Variants in ANKRD33B observed in about 807,000 individuals in gnomAD.
The protein encoded by ANKRD33B is ankyrin repeat domain 33B, also known as ankyrin repeat domain-containing protein 33B.
A neutral mutation model predicts 21.5 loss-of-function variants in ANKRD33B; 6 were observed. The observed-to-expected ratio is 0.28, with a 90% CI of 0.15 to 0.55. The LOEUF (loss-of-function observed/expected upper bound fraction) is 0.55, where lower values mean the gene tolerates loss of function less well. Ranked by LOEUF, ANKRD33B falls within the 20% of genes least tolerant of loss-of-function variation. The pLI is 0.94. For missense variants in ANKRD33B, 698 were observed against 747.2 expected (o/e 0.93, Z 0.77); for synonymous variants, 347 against 342.4 (o/e 1.01, Z -0.15).
chr5:10,631,127 G>A (rs980083366), intron 2 of ANKRD33B, among the ~76,000 whole-genome samples: 1 of 152,220 alleles, frequency 6.6e-6, no homozygotes, highest in African/African-American at 2.4e-5. Context: ...AGGGGTTCTG[G>A]TTTCAAAGAT....
Position 10,648,605 on chromosome 5 carries a change from C to G in ANKRD33B, c.638-661C>G, listed in dbSNP as rs544981501. On this transcript the variant is annotated intron_variant, in intron 3 of 3. Coordinates refer to ENST00000296657, the MANE Select transcript of ANKRD33B (RefSeq NM_001164440.2). ...AGAAACCCCCTCTCTACTAAAAATA[C>G]AAAATTAGCCTGGCGTGGTAGCACA... Among the ~76,000 whole-genome samples the G allele has an allele frequency of 2.0e-5, 3 of 152,098 alleles. No homozygotes were observed. In the East Asian group the frequency reaches 5.8e-4, roughly 29 times the overall value.
intron 1 of ANKRD33B, among the ~76,000 whole-genome samples, chr5:10,601,096 A>G (rs865923868): frequency 2.6e-5 from 4 of 152,284 alleles, no homozygotes; most frequent in African/African-American, 9.6e-5. Context: ...ACCTTAAATC[A>G]CAAATGAGTT....
Position 10,619,455 on chromosome 5 carries a change from C to T in ANKRD33B, c.496+993C>T. 1 of 916,476 alleles carries T rather than the reference C, an allele frequency of 1.1e-6. No individual in the cohort carries two copies. The allele number at this position is 916,476 out of a possible 1,614,324, so 56.8% of individuals were successfully genotyped here. Reference sequence around the variant, plus strand: ...TCCTTGTCCCTTGTTGCTTCACAAGCTCCTGGACCAAAGCCACCCTGGGTG... The same window carrying T: ...TCCTTGTCCCTTGTTGCTTCACAAGTTCCTGGACCAAAGCCACCCTGGGTG... On this transcript the variant is annotated intron_variant, in intron 2 of 3. Transcript: ENST00000296657. This position sits in a 1 kb window ranked among gnomAD's most constrained non-coding sequence, Gnocchi z 4.5.
chr5:10,585,531 G>A (rs55672514), intron 1 of ANKRD33B, among the ~76,000 whole-genome samples: 53,753 of 152,108 alleles, frequency 0.35, 11,200 homozygotes, highest in East Asian at 0.61. Context: ...TTGTTCTAGG[G>A]AAAAGAAACG....
intron 1 of ANKRD33B, among the ~76,000 whole-genome samples, chr5:10,566,799 G>A (rs1011186833): frequency 6.6e-5 from 10 of 152,244 alleles, no homozygotes; most frequent in East Asian, 3.9e-4. Flanking sequence ...CAGTTTCCTC[G>A]TCTGTAAAAT....
chr5:10,616,666 A>C (rs1171425332), intron 1 of ANKRD33B, among the ~76,000 whole-genome samples: 1 of 151,810 alleles, frequency 6.6e-6, no homozygotes, highest in Non-Finnish European at 1.5e-5. Flanking sequence ...TGTGACTGGC[A>C]GTGCCAAGAG....
intron 1 of ANKRD33B, among the ~76,000 whole-genome samples, chr5:10,598,487 G>A (rs1268225567): frequency 1.3e-5 from 2 of 152,126 alleles, no homozygotes; most frequent in African/African-American, 4.8e-5. Context: ...GCCTGGTCTC[G>A]AACACCTGAC....
chr5:10,619,193 C>T lies in ANKRD33B; in HGVS notation c.496+731C>T, dbSNP rs1207800790. ...CACTGACCCCTTTCACATTTCTTTG[C>T]CTCCAAAGATTCTGTCTGTTTCATC... is the stretch of plus-strand genomic sequence containing the variant. On this transcript the variant is annotated intron_variant, in intron 2 of 3. Coordinates refer to ENST00000296657, the MANE Select transcript of ANKRD33B (RefSeq NM_001164440.2). The surrounding 1 kb of genome is among the most constrained non-coding windows in gnomAD (Gnocchi z 4.5). The T allele has an allele frequency of 1.9e-5, 10 of 523,398 alleles. No individual in the cohort carries two copies. The highest frequency in any genetic ancestry group is 2.5e-5 in the Non-Finnish European group (10 of 408,056). 32.4% of individuals were successfully genotyped at this position (523,398 alleles called of 1,614,324 possible).
chr5:10,637,830 C>T (rs1376199139), intron 2 of ANKRD33B, among the ~76,000 whole-genome samples, 198 bp from the exon 3 acceptor site: 3 of 152,120 alleles, frequency 2.0e-5, no homozygotes, highest in Non-Finnish European at 2.9e-5. Context: ...AGCGCTGCAG[C>T]CAGGGCGGTG....
chr5:10,571,329 G>A (rs1348019633), intron 1 of ANKRD33B, among the ~76,000 whole-genome samples: 1 of 152,208 alleles, frequency 6.6e-6, no homozygotes, highest in Non-Finnish European at 1.5e-5. Flanking sequence ...AGCCTCCTGA[G>A]TAGCTGGGAC....
In ANKRD33B at chr5:10,570,903, CTT is replaced by C. The variant is rs11301499; in HGVS notation, c.366+6087_366+6088del. Among the ~76,000 whole-genome samples the C allele has an allele frequency of 1.4e-3, 183 of 126,782 alleles. 1 individual carries two copies. The highest frequency in any genetic ancestry group is 1.6e-3 in the Non-Finnish European group (94 of 60,250). 83.2% of individuals were successfully genotyped at this position (126,782 alleles called of 152,430 possible). ...TCTTTAACAACATGACTCAAATAAC[CTT>C]TTTTTTTTTTTTTTTTGTCAATTAG... On this transcript the variant is annotated intron_variant, in intron 1 of 3. Transcript: ENST00000296657.
rs925148478 is a variant in ANKRD33B at position 10,603,270 on chromosome 5, T to A, written c.367-15063T>A. Among the ~76,000 whole-genome samples, 4 of 150,910 alleles carry A rather than the reference T, an allele frequency of 2.7e-5. No homozygotes were observed. In the East Asian group the frequency reaches 5.8e-4, roughly 22 times the overall value. The stretch of plus-strand genomic sequence containing the variant: ...GAATTTTTTCATCCTTAAAAAAAAT[T>A]TTTTTTTTTTGAGACAGGGTCTCAT... On this transcript the variant is annotated intron_variant, in intron 1 of 3. Coordinates refer to ENST00000296657, the MANE Select transcript of ANKRD33B (RefSeq NM_001164440.2).
chr5:10,640,818 T>C (rs928303992), intron 3 of ANKRD33B, among the ~76,000 whole-genome samples: 1 of 152,238 alleles, frequency 6.6e-6, no homozygotes, highest in Non-Finnish European at 1.5e-5. Flanking sequence ...TTGGGGAGGC[T>C]GAGAAGTCCA....
rs1178197071 is a variant in ANKRD33B, at chr5:10,619,566, AC to A, written c.496+1105del. Among the ~76,000 whole-genome samples, 1 of 152,144 alleles carries A rather than the reference AC, an allele frequency of 6.6e-6. No homozygotes were observed. The highest frequency in any genetic ancestry group is 2.4e-5 in the African/African-American group (1 of 41,426). On this transcript the variant is annotated intron_variant, in intron 2 of 3. Transcript: ENST00000296657. The surrounding 1 kb of genome is among the most constrained non-coding windows in gnomAD (Gnocchi z 4.5). ...GTGGTGGGAGTGGTCTGGGCACCCT[AC>A]TTTTCAATCAAGACGAATAGAGTGG...
At chr5:10,587,266 A>G (rs745397244) in intron 1 of ANKRD33B, among the ~76,000 whole-genome samples, 5 of 148,010 alleles carry the variant, frequency 3.4e-5, no homozygotes, top group Non-Finnish European at 7.4e-5. Context: ...CTGCCTGGCT[A>G]ATTTTTGTAT....
intron 1 of ANKRD33B, among the ~76,000 whole-genome samples, chr5:10,613,990 CGTGTGTGTGTGT>C (rs59864065): frequency 7.1e-6 from 1 of 141,290 alleles, no homozygotes; most frequent in Non-Finnish European, 1.5e-5. Flanking sequence ...CCAGAGAAAT[CGTGTGTGTGTGT>C]GTGTGTGTGT....
intron 1 of ANKRD33B, among the ~76,000 whole-genome samples, chr5:10,604,135 A>T (rs896638164): frequency 7.3e-6 from 1 of 136,558 alleles, no homozygotes; most frequent in Non-Finnish European, 1.5e-5. Flanking sequence ...CTTGTGATCC[A>T]CCCGCCTTGG....
intron 1 of ANKRD33B, among the ~76,000 whole-genome samples, chr5:10,579,102 T>C (rs1010355661): frequency 1.3e-5 from 2 of 149,050 alleles, no homozygotes; most frequent in Non-Finnish European, 3.0e-5. Flanking sequence ...AAGTCAAGGC[T>C]GCAGTGAGCC....
intron 1 of ANKRD33B, among the ~76,000 whole-genome samples, chr5:10,607,758 A>G (rs192131447): frequency 6.6e-6 from 1 of 152,310 alleles, no homozygotes; most frequent in Non-Finnish European, 1.5e-5. Context: ...ACTGAAGTCT[A>G]CTTGGGACAG....
Sources: allele counts gnomAD v4.1 joint callset (sites outside exome capture counted in the v4.1 genomes callset), GRCh38; gene constraint gnomAD v4.1.1; non-coding constraint Gnocchi (gnomAD v3.1); transcripts MANE v1.5; gene names NCBI Gene and HGNC (gene_info 2026-07-23, HGNC 2026-07-21).